C2orf66: variants seen among roughly 807,000 people sequenced by gnomAD.
C2orf66 encodes chromosome 2 open reading frame 66, also known as uncharacterized protein C2orf66.
In C2orf66, 6 loss-of-function variants were observed where a neutral mutation model predicts 7.0. The observed-to-expected ratio is 0.86, with a 90% confidence interval of 0.47 to 1.69. The LOEUF is 1.69. Ranked by LOEUF, C2orf66 falls within the 40% of genes most tolerant of loss-of-function variation. The pLI, the probability that C2orf66 is intolerant of heterozygous loss-of-function variation, is 0.01. For missense variants in C2orf66, 107 were observed against 112.0 expected (o/e 0.96, Z 0.20); for synonymous variants, 38 against 43.8 (o/e 0.87, Z 0.52).
At chr2:196,827,751 A>G in the C2orf66 span, among the ~76,000 whole-genome samples, 2 of 152,212 alleles carry the variant, frequency 1.3e-5, no homozygotes, top group Non-Finnish European at 2.9e-5. Flanking sequence ...AGAATCGTGC[A>G]AAATATTAAA....
the C2orf66 span, among the ~76,000 whole-genome samples, chr2:196,815,069 A>T: frequency 6.6e-6 from 1 of 152,058 alleles, no homozygotes; most frequent in Non-Finnish European, 1.5e-5. Flanking sequence ...GGCTCAAGTG[A>T]TCCTTCCACC....
chr2:196,814,406 A>G, the C2orf66 span, among the ~76,000 whole-genome samples: 1 of 152,158 alleles, frequency 6.6e-6, no homozygotes, highest in East Asian at 1.9e-4. Flanking sequence ...GGAACATCAC[A>G]CACTGGGGCC....
rs1243698556 is a variant in C2orf66 at position 196,805,106 on chromosome 2, G to A, written c.*322C>T. 6.6e-6 allele frequency: 1 copy of A among 152,068 alleles called. No homozygotes were observed. The highest frequency in any genetic ancestry group is 1.5e-5 in the Non-Finnish European group (1 of 68,006). The allele number at this position is 152,068 out of a possible 1,614,324, so 9.4% of individuals were successfully genotyped here. A position where few individuals can be genotyped will look rare whatever the true frequency, so the allele number is the denominator to read the frequency against. On this transcript the variant is annotated 3_prime_UTR_variant, in exon 3 of 3. Coordinates refer to ENST00000342506, the MANE Select transcript of C2orf66 (RefSeq NM_213608.3). ...CATAAAAGACAAGTTTTAAAAACAA[G>A]CTTAAAGAAACATCTAATTTAGATT...
At chr2:196,817,209 CAGTGCA>C in the C2orf66 span, among the ~76,000 whole-genome samples, 2 of 149,472 alleles carry the variant, frequency 1.3e-5, no homozygotes, top group Admixed American at 6.7e-5. Context: ...CTATGTTCAG[CAGTGCA>C]AGTGCAAGTA....
the C2orf66 span, among the ~76,000 whole-genome samples, chr2:196,822,826 T>TCA: frequency 6.6e-6 from 1 of 152,210 alleles, no homozygotes; most frequent in East Asian, 1.9e-4. Flanking sequence ...CATACCTTTT[T>TCA]CAGTTGGAGA....
At chr2:196,831,251 C>T in the C2orf66 span, among the ~76,000 whole-genome samples, 4 of 152,046 alleles carry the variant, frequency 2.6e-5, no homozygotes, top group Non-Finnish European at 4.4e-5. Flanking sequence ...TGAGTTTTTC[C>T]CTGTTTACTC....
the C2orf66 span, among the ~76,000 whole-genome samples, chr2:196,819,869 G>T: frequency 6.6e-6 from 1 of 152,196 alleles, no homozygotes; most frequent in South Asian, 2.1e-4. Flanking sequence ...GGAGGGGAGA[G>T]ATAATTGTAG....
the C2orf66 span, among the ~76,000 whole-genome samples, chr2:196,830,713 T>G: frequency 5.4e-5 from 8 of 149,300 alleles, no homozygotes; most frequent in East Asian, 1.5e-3. Context: ...ACTGTTTTAA[T>G]TCTTTTCTTT....
the C2orf66 span, among the ~76,000 whole-genome samples, chr2:196,817,469 T>C: frequency 6.6e-6 from 1 of 152,036 alleles, no homozygotes; most frequent in African/African-American, 2.4e-5. Flanking sequence ...TCTCCTGACC[T>C]TGTGATCTGC....
upstream of C2orf66, chr2:196,809,566 A>T: frequency 1.9e-6 from 1 of 531,510 alleles, no homozygotes; most frequent in East Asian, 2.8e-5. Flanking sequence ...GATAATGAGA[A>T]TGTTATACAG....
the C2orf66 span, among the ~76,000 whole-genome samples, chr2:196,831,156 T>C: frequency 6.6e-6 from 1 of 152,172 alleles, no homozygotes; most frequent in Non-Finnish European, 1.5e-5. Context: ...TGGGGGAATG[T>C]CAGAGGGAGT....
chr2:196,821,176 A>T, the C2orf66 span, among the ~76,000 whole-genome samples: 1 of 152,236 alleles, frequency 6.6e-6, no homozygotes, highest in Non-Finnish European at 1.5e-5. Flanking sequence ...AAGCTGGAAG[A>T]GGAAGGGAAC....
rs778429683 is a variant in C2orf66 at position 196,805,067 on chromosome 2, T to C, written c.*361A>G. ...CCCTTTAAAAAAATATATTGGTCGA[T>C]AAAAGATAATAAACATAAAAGACAA... On this transcript the variant is annotated 3_prime_UTR_variant, in exon 3 of 3. Transcript: ENST00000342506. 3 of 152,182 alleles carry C rather than the reference T, an allele frequency of 2.0e-5. No homozygotes were observed. Among genetic ancestry groups the C allele is most frequent in the Non-Finnish European group, 2.9e-5 (2 of 68,032 alleles). The allele number at this position is 152,182 out of a possible 1,614,324, so 9.4% of individuals were successfully genotyped here. A position where few individuals can be genotyped will look rare whatever the true frequency, so the allele number is the denominator to read the frequency against.
intron 2 of C2orf66, 31 bp downstream of exon 2, chr2:196,807,393 G>T: frequency 7.8e-7 from 1 of 1,278,084 alleles, no homozygotes; most frequent in Non-Finnish European, 1.1e-6. Flanking sequence ...TGTATGTTTG[G>T]ACAGATCCAG....
At chr2:196,815,251 G>A in the C2orf66 span, among the ~76,000 whole-genome samples, 1 of 151,990 alleles carries the variant, frequency 6.6e-6, no homozygotes, top group Non-Finnish European at 1.5e-5. Flanking sequence ...TTTCAGGCAT[G>A]AGCCACCATG....
chr2:196,828,226 TCTCTCACACACACACA>T, the C2orf66 span, among the ~76,000 whole-genome samples: 5 of 132,668 alleles, frequency 3.8e-5, no homozygotes, highest in African/African-American at 1.6e-4. Context: ...TCTCTCTCTC[TCTCTCACACACACACA>T]CACACACACA....
intron 2 of C2orf66, among the ~76,000 whole-genome samples, chr2:196,807,223 A>G (rs927093215): frequency 2.0e-5 from 3 of 152,246 alleles, no homozygotes; most frequent in Non-Finnish European, 2.9e-5. Context: ...TAAAAAATAA[A>G]AACTGTCATT....
At chr2:196,819,074 GTCTGGAATACCT>G in the C2orf66 span, among the ~76,000 whole-genome samples, 1 of 152,202 alleles carries the variant, frequency 6.6e-6, no homozygotes, top group Non-Finnish European at 1.5e-5. Context: ...TGTTGCTTCT[GTCTGGAATACCT>G]TCTCCAACCC....
the C2orf66 span, among the ~76,000 whole-genome samples, chr2:196,831,632 G>C: frequency 1.3e-5 from 2 of 152,154 alleles, no homozygotes; most frequent in Admixed American, 6.5e-5. Flanking sequence ...GAGGGACAAA[G>C]AACAGCGAAA....
Sources: gnomAD v4.1 joint callset for allele counts (sites outside exome capture counted in the v4.1 genomes callset) on GRCh38, gnomAD v4.1.1 for gene constraint, MANE v1.5 for transcripts, NCBI Gene and HGNC (gene_info 2026-07-23, HGNC 2026-07-21) for gene names.